PAX5: variants seen among roughly 807,000 people sequenced by gnomAD.
The protein encoded by PAX5 is paired box protein Pax-5.
In PAX5, 9 loss-of-function variants were observed where a neutral mutation model predicts 43.7. The ratio of observed to expected loss-of-function variants is 0.21; its 90% CI spans 0.12 to 0.36. The LOEUF is 0.36. PAX5 is among the 10% of genes least tolerant of loss of function. The pLI, the probability that PAX5 is intolerant of heterozygous loss-of-function variation, is 1.00. For synonymous variants in PAX5, 228 were observed against 214.3 expected (o/e 1.06, Z -0.56); for missense variants, 383 against 532.7 (o/e 0.72, Z 2.77).
chr9:37,027,006 C>A (rs891146951), intron 1 of PAX5, among the ~76,000 whole-genome samples: 1 of 152,200 alleles, frequency 6.6e-6, no homozygotes, highest in African/African-American at 2.4e-5. Flanking sequence ...ACTCAGGGGG[C>A]GGAGAGACCC....
chr9:36,928,772 T>C (rs1293928323), intron 6 of PAX5, among the ~76,000 whole-genome samples: 1 of 152,162 alleles, frequency 6.6e-6, no homozygotes, highest in African/African-American at 2.4e-5. Context: ...TCTGATGGAA[T>C]ATCAGGCATT....
chr9:36,856,991 C>A (rs893923733), intron 8 of PAX5, among the ~76,000 whole-genome samples: 1 of 152,166 alleles, frequency 6.6e-6, no homozygotes, highest in Non-Finnish European at 1.5e-5. Context: ...CCACTTGGCC[C>A]CAGGTTCTGC....
intron 5 of PAX5, among the ~76,000 whole-genome samples, chr9:36,990,927 T>C (rs967733163): frequency 1.3e-5 from 2 of 152,086 alleles, no homozygotes; most frequent in African/African-American, 4.8e-5. Context: ...CTGGACAACA[T>C]GGTGAAATCC....
At chr9:37,001,291 GC>G (rs1837828950) in intron 5 of PAX5, among the ~76,000 whole-genome samples, 1 of 152,180 alleles carries the variant, frequency 6.6e-6, no homozygotes, top group African/African-American at 2.4e-5. Context: ...GGATCCCTCA[GC>G]CTCTGGGGGA....
At chr9:36,990,568 C>T (rs771641960) in intron 5 of PAX5, among the ~76,000 whole-genome samples, 12 of 152,174 alleles carry the variant, frequency 7.9e-5, no homozygotes, top group African/African-American at 2.4e-4. Flanking sequence ...GACAAGTCAA[C>T]GACATTGGAG....
chr9:36,840,685 C>T (rs965405799), intron 9 of PAX5, 49 bp from the exon 10 acceptor site: 2 of 1,172,842 alleles, frequency 1.7e-6, no homozygotes, highest in Non-Finnish European at 2.4e-6. Context: ...GGTCCCCTTT[C>T]CACCAGTCTC....
chr9:36,865,610 C>T lies in PAX5; in HGVS notation c.1012+16394G>A, dbSNP rs191330851. Among the ~76,000 whole-genome samples the T allele has an allele frequency of 4.3e-4, 66 of 152,206 alleles. 2 individuals are homozygous for T. Among genetic ancestry groups the T allele is most frequent in the Non-Finnish European group, 7.2e-4 (49 of 68,004 alleles). The stretch of plus-strand genomic sequence containing the variant: ...AATGGAGGAAGACCAGAACATATTC[C>T]GCAAATGAAGATAATCAGGAGACCC... On this transcript the variant is annotated intron_variant, in intron 8 of 9. Transcript: ENST00000358127.
At chr9:36,985,839 G>A (rs1264307808) in intron 5 of PAX5, among the ~76,000 whole-genome samples, 1 of 152,170 alleles carries the variant, frequency 6.6e-6, no homozygotes, top group Non-Finnish European at 1.5e-5. Flanking sequence ...ATTTTCCACC[G>A]GTGCAAGAGA....
intron 2 of PAX5, among the ~76,000 whole-genome samples, chr9:37,019,304 A>G (rs983122450): frequency 6.6e-6 from 1 of 152,068 alleles, no homozygotes. Flanking sequence ...CCTAACAAGA[A>G]AACCATGTTA....
chr9:36,860,034 CAAAAAA>C (rs36070204), intron 8 of PAX5, among the ~76,000 whole-genome samples: 3 of 130,020 alleles, frequency 2.3e-5, no homozygotes, highest in African/African-American at 5.8e-5. Flanking sequence ...GGCTCTGTCT[CAAAAAA>C]AAAAAAATCA....
At chr9:36,957,409 GGAGT>G (rs2132139795) in intron 6 of PAX5, among the ~76,000 whole-genome samples, 1 of 152,310 alleles carries the variant, frequency 6.6e-6, no homozygotes, top group Admixed American at 6.5e-5. Context: ...GGGAAGGTAT[GGAGT>G]GAGTATTTGG....
intron 9 of PAX5, among the ~76,000 whole-genome samples, chr9:36,841,786 G>C (rs985738145): frequency 4.6e-5 from 7 of 152,192 alleles, no homozygotes; most frequent in African/African-American, 1.7e-4. Flanking sequence ...TGGGGGCAGG[G>C]CTGGGCAATA....
At chr9:37,009,229 C>T (rs542680794) in intron 3 of PAX5, among the ~76,000 whole-genome samples, 1 of 152,332 alleles carries the variant, frequency 6.6e-6, no homozygotes, top group African/African-American at 2.4e-5. Flanking sequence ...GCACAGTGTA[C>T]AGGCTCTGGA....
At position 36,897,393 on chromosome 9, in the gene PAX5, C is replaced by T. The variant is rs1208210314; in HGVS notation, c.911-15288G>A. ...TGAGCCTCCAGGGGGACCTCAGGGA[C>T]CTCTGGAGCTCCCATTCTTTCAACC... On this transcript the variant is annotated intron_variant, in intron 7 of 9. Transcript: ENST00000358127. Among the ~76,000 whole-genome samples, 5 of 152,120 alleles carry T rather than the reference C, an allele frequency of 3.3e-5. No individual in the cohort carries two copies. In the East Asian group the frequency reaches 9.6e-4, roughly 29 times the overall value.
chr9:36,917,758 A>G (rs1261334944), intron 7 of PAX5, among the ~76,000 whole-genome samples: 3 of 152,254 alleles, frequency 2.0e-5, no homozygotes, highest in Non-Finnish European at 4.4e-5. Flanking sequence ...TAACAAATGG[A>G]AGGTTTCTGG....
intron 6 of PAX5, among the ~76,000 whole-genome samples, chr9:36,936,018 A>G (rs908523555): frequency 2.0e-5 from 3 of 152,332 alleles, no homozygotes; most frequent in South Asian, 2.1e-4. Context: ...ACTGATTCAT[A>G]CTGTTCTCAC....
intron 6 of PAX5, among the ~76,000 whole-genome samples, chr9:36,945,205 C>T (rs1832386255): frequency 6.6e-6 from 1 of 150,502 alleles, no homozygotes. Context: ...AAAAACAAAA[C>T]TCCCTTTGGA....
chr9:36,881,936 G>A (rs150639275), intron 8 of PAX5, 68 bp downstream of exon 8: 21 of 1,154,546 alleles, frequency 1.8e-5, no homozygotes, highest in Admixed American at 3.9e-5. Context: ...GGCTGTTTGG[G>A]GGGGGATGTC....
chr9:37,008,459 TG>T (rs1178260707), intron 3 of PAX5, among the ~76,000 whole-genome samples: 2 of 152,252 alleles, frequency 1.3e-5, no homozygotes, highest in Non-Finnish European at 2.9e-5. Flanking sequence ...GAGGCTGCAC[TG>T]GGTCTCCAGC....
Sources: gnomAD v4.1 joint callset for allele counts (sites outside exome capture counted in the v4.1 genomes callset) on GRCh38, gnomAD v4.1.1 for gene constraint, MANE v1.5 for transcripts, NCBI Gene and HGNC (gene_info 2026-07-23, HGNC 2026-07-21) for gene names.